Variants in ZNF407 observed in about 807,000 individuals in gnomAD.
ZNF407 encodes zinc finger protein 407.
In ZNF407, 17 loss-of-function variants were observed where a neutral mutation model predicts 131.2. The observed-to-expected ratio is 0.13, with a 90% CI of 0.09 to 0.19. ZNF407 has a LOEUF of 0.19. Ranked by LOEUF, ZNF407 falls within the 10% of genes least tolerant of loss-of-function variation. ZNF407 has a pLI of 1.00. For missense variants in ZNF407, 2,681 were observed against 2,830.6 expected (o/e 0.95, Z 1.20); for synonymous variants, 1,156 against 1,062.0 (o/e 1.09, Z -1.72).
intron 3 of ZNF407, among the ~76,000 whole-genome samples, chr18:74,700,519 AT>A (rs1400487520): frequency 2.0e-5 from 3 of 151,966 alleles, no homozygotes; most frequent in Non-Finnish European, 4.4e-5. Flanking sequence ...TTATTATTTC[AT>A]TTCCTCTAGT....
intron 8 of ZNF407, among the ~76,000 whole-genome samples, chr18:74,927,073 C>T (rs141565510): frequency 0.011 from 1,687 of 152,312 alleles, 27 homozygotes; most frequent in African/African-American, 0.037. Flanking sequence ...CATGCTATCA[C>T]ATTTTACCTT....
chr18:74,655,828 T>C (rs1334005755), intron 3 of ZNF407, among the ~76,000 whole-genome samples: 1 of 152,188 alleles, frequency 6.6e-6, no homozygotes, highest in Non-Finnish European at 1.5e-5. Context: ...TTAGCTTGTT[T>C]TATTTTACAA....
intron 7 of ZNF407, among the ~76,000 whole-genome samples, chr18:74,900,840 T>C (rs1369201567): frequency 2.0e-5 from 3 of 152,256 alleles, no homozygotes. Flanking sequence ...AAGCATGAAC[T>C]AAATTATATA....
Position 75,064,327 on chromosome 18 carries a change from C to T in ZNF407, c.6606C>T (p.Ala2202=), listed in dbSNP as rs201280196. Residue 2202 remains alanine, a synonymous_variant, in exon 9 of 9, where the codon GCC becomes GCT. Transcript: ENST00000299687. The stretch of plus-strand genomic sequence containing the variant: ...CGGACTCGCAGGAACTCCTGCAGGC[C>T]GGGGCCACGCTAGGCACAGAGGCCG... ...ETADSQELLQ[A]GATLGTEAGA... 6.8e-4 allele frequency: 1,092 copies of T among 1,596,268 alleles called. 9 individuals carry two copies. In the African/African-American group the frequency reaches 8.4e-3, roughly 12 times the overall value.
intron 4 of ZNF407, among the ~76,000 whole-genome samples, chr18:74,829,370 C>A (rs887759578): frequency 7.9e-5 from 12 of 152,236 alleles, no homozygotes; most frequent in African/African-American, 2.9e-4. Context: ...CAAAAACCGC[C>A]CATTTTAATT....
chr18:74,849,622 C>A (rs1970753398), intron 4 of ZNF407, among the ~76,000 whole-genome samples: 1 of 152,152 alleles, frequency 6.6e-6, no homozygotes, highest in African/African-American at 2.4e-5. Flanking sequence ...TCCGCTGCAC[C>A]TCCGTGCTCT....
At chr18:74,641,963 C>T (rs1260586009) in intron 3 of ZNF407, among the ~76,000 whole-genome samples, 1 of 151,362 alleles carries the variant, frequency 6.6e-6, no homozygotes, top group African/African-American at 2.4e-5. Flanking sequence ...GTTCTTATGG[C>T]TAATTCACAA....
At chr18:74,618,176 T>G (rs1365786685) in intron 1 of ZNF407, among the ~76,000 whole-genome samples, 1 of 77,418 alleles carries the variant, frequency 1.3e-5, no homozygotes, top group Non-Finnish European at 2.8e-5. Context: ...TCTTTGTGCT[T>G]TCTTTTTTTT....
intron 1 of ZNF407, among the ~76,000 whole-genome samples, chr18:74,615,869 GT>G (rs1274840547): frequency 1.4e-4 from 21 of 146,216 alleles, no homozygotes; most frequent in South Asian, 2.2e-4. Flanking sequence ...TGTTGTTGTT[GT>G]TTTTTTTTTT....
intron 4 of ZNF407, among the ~76,000 whole-genome samples, chr18:74,789,558 C>T (rs554761910): frequency 6.6e-6 from 1 of 152,244 alleles, no homozygotes; most frequent in South Asian, 2.1e-4. Flanking sequence ...TGCCAGTCGT[C>T]TTTTCCTCTG....
intron 4 of ZNF407, among the ~76,000 whole-genome samples, chr18:74,828,994 C>A (rs1478928482): frequency 6.6e-6 from 1 of 152,124 alleles, no homozygotes; most frequent in East Asian, 1.9e-4. Context: ...TAGAAAGGGC[C>A]CCACATGTTA....
intron 2 of ZNF407, 32 bp from the exon 3 acceptor site, chr18:74,640,976 A>G (rs746552732): frequency 1.3e-6 from 2 of 1,519,784 alleles, no homozygotes; most frequent in East Asian, 4.5e-5. Flanking sequence ...ATTATTCAAA[A>G]TCAAATCATA....
chr18:74,786,566 C>G (rs1257302972), intron 4 of ZNF407, among the ~76,000 whole-genome samples: 1 of 150,942 alleles, frequency 6.6e-6, no homozygotes, highest in Non-Finnish European at 1.5e-5. Flanking sequence ...AGAAATAATT[C>G]TTTTGGGCTA....
intron 4 of ZNF407, among the ~76,000 whole-genome samples, chr18:74,845,996 A>T (rs1970697385): frequency 6.6e-6 from 1 of 152,220 alleles, no homozygotes; most frequent in African/African-American, 2.4e-5. Flanking sequence ...AAGTAAAATA[A>T]TTCCTTGAAA....
intron 7 of ZNF407, among the ~76,000 whole-genome samples, chr18:74,915,401 AGGAGT>A (rs1273295915): frequency 1.0e-4 from 2 of 20,054 alleles, no homozygotes; most frequent in African/African-American, 2.5e-4. Flanking sequence ...GGTTCGAATC[AGGAGT>A]GTGTGTGTGT....
chr18:74,929,840 T>C (rs1971961321), intron 8 of ZNF407, among the ~76,000 whole-genome samples: 1 of 152,208 alleles, frequency 6.6e-6, no homozygotes, highest in South Asian at 2.1e-4. Context: ...GCAATTTCAT[T>C]TATTTCTATT....
At chr18:74,819,573 G>C (rs1262838383) in intron 4 of ZNF407, among the ~76,000 whole-genome samples, 2 of 152,182 alleles carry the variant, frequency 1.3e-5, no homozygotes, top group African/African-American at 4.8e-5. Context: ...GCCGCTCACA[G>C]GAGGCAGAGC....
At position 74,631,465 on chromosome 18, in the gene ZNF407, C is replaced by G; in HGVS notation, c.446C>G (p.Thr149Ser). The change falls in exon 2 of 9, where the codon ACT (threonine) becomes AGT (serine). Residue 149 changes from threonine to serine, a missense_variant. This residue lies in a region of ZNF407 where 1,789 missense variants were observed against 1,748.7 expected (regional missense o/e 1.02). Transcript: ENST00000299687. ...TIDVVSLKTDTEKTSAQEMVS... is the reference protein window; with the variant it reads ...TIDVVSLKTDSEKTSAQEMVS... ...GATGTTGTTTCTCTGAAAACAGACA[C>G]TGAAAAAACATCTGCTCAGGAAATG... The G allele has an allele frequency of 6.2e-7, 1 of 1,613,984 alleles. No homozygotes were observed.
chr18:74,837,613 C>CT (rs11445349), intron 4 of ZNF407, among the ~76,000 whole-genome samples: 1,908 of 148,386 alleles, frequency 0.013, 32 homozygotes, highest in African/African-American at 0.043. Flanking sequence ...TGCTGAAGGG[C>CT]TTTTTTTTTT....
Sources: gnomAD v4.1 joint callset for allele counts (sites outside exome capture counted in the v4.1 genomes callset) on GRCh38, gnomAD v4.1.1 for gene constraint, gnomAD v4.1.1 regional missense constraint, MANE v1.5 for transcripts, NCBI Gene and HGNC (gene_info 2026-07-23, HGNC 2026-07-21) for gene names.